LRP1B: variants seen among roughly 807,000 people sequenced by gnomAD.
LRP1B encodes low-density lipoprotein receptor-related protein 1B.
Under a neutral mutation model 556.6 loss-of-function variants are expected in LRP1B, and 217 were observed. That is an observed-to-expected ratio of 0.39 (90% CI 0.35 to 0.44). The LOEUF (loss-of-function observed/expected upper bound fraction) is 0.44, where lower values mean the gene tolerates loss of function less well. LRP1B is among the 20% of genes least tolerant of loss of function. The pLI is 1.00. For missense variants in LRP1B, 5,053 were observed against 5,620.8 expected (o/e 0.90, Z 3.23); for synonymous variants, 2,047 against 1,865.8 (o/e 1.10, Z -2.50).
chr2:140,390,803 CACAA>C (rs1229448922), intron 66 of LRP1B, among the ~76,000 whole-genome samples: 1 of 141,590 alleles, frequency 7.1e-6, no homozygotes. Context: ...CACACACACA[CACAA>C]CATATTTGAG....
rs151043561 is a variant in LRP1B at position 140,647,196 on chromosome 2, TA to T, written c.6800-45558del. On this transcript the variant is annotated intron_variant, in intron 41 of 90. Transcript: ENST00000389484. The stretch of plus-strand genomic sequence containing the variant: ...TTAAATCTGCCTTTAAATGCTTTTT[TA>T]AAAAAACTTGAAATCTTAATGTCTC... 2.2e-4 allele frequency among the ~76,000 whole-genome samples: 34 copies of T among 152,246 alleles called. 1 individual carries two copies. The highest frequency in any genetic ancestry group is 6.8e-3 in the Middle Eastern group (2 of 294).
chr2:141,860,692 A>G (rs1326135873), intron 1 of LRP1B, among the ~76,000 whole-genome samples: 1 of 152,224 alleles, frequency 6.6e-6, no homozygotes, highest in Non-Finnish European at 1.5e-5. Context: ...ATAAATAAAA[A>G]TAATGAAACA....
intron 14 of LRP1B, among the ~76,000 whole-genome samples, chr2:141,010,493 C>A (rs1697708409): frequency 6.6e-6 from 1 of 151,876 alleles, no homozygotes; most frequent in African/African-American, 2.4e-5. Context: ...CTGAAATTCA[C>A]TGGTATATTC....
chr2:141,273,860 CTT>C (rs1414080238), intron 3 of LRP1B, among the ~76,000 whole-genome samples: 2 of 152,170 alleles, frequency 1.3e-5, no homozygotes, highest in African/African-American at 4.8e-5. Context: ...ACAAATAACT[CTT>C]ATAATTCAGT....
At chr2:141,533,459 G>A (rs1461085316) in intron 2 of LRP1B, among the ~76,000 whole-genome samples, 1 of 152,140 alleles carries the variant, frequency 6.6e-6, no homozygotes, top group African/African-American at 2.4e-5. Flanking sequence ...TGGCACACAG[G>A]TGCATTTAGG....
At chr2:141,968,293 A>G (rs1213702194) in intron 1 of LRP1B, among the ~76,000 whole-genome samples, 1 of 151,868 alleles carries the variant, frequency 6.6e-6, no homozygotes, top group Non-Finnish European at 1.5e-5. Flanking sequence ...TGCAATTTTC[A>G]TGATTAATCA....
In LRP1B at chr2:140,314,982, C is replaced by T. The variant is rs1558794027; in HGVS notation, c.12758G>A (p.Cys4253Tyr). Residue 4253 changes from cysteine to tyrosine, a missense_variant, in exon 83 of 91, where the codon TGT becomes TAT. By Grantham distance (194) the Cys-to-Tyr change is radical (BLOSUM62 -2). Coordinates refer to ENST00000389484, the MANE Select transcript of LRP1B (RefSeq NM_018557.3). ...YSGERCEVNH[C>Y]SNYCQNGGTC... ...TCCTCCATTCTGGCAGTAGTTGCTACAGTGGTTGACTTCACATCTTTCTCC... is the reference window on the plus strand; with the variant it reads ...TCCTCCATTCTGGCAGTAGTTGCTATAGTGGTTGACTTCACATCTTTCTCC... 2 of 1,611,182 alleles carry T rather than the reference C, an allele frequency of 1.2e-6. No individual in the cohort carries two copies. Among genetic ancestry groups the T allele is most frequent in the Non-Finnish European group, 1.7e-6 (2 of 1,178,458 alleles).
intron 2 of LRP1B, among the ~76,000 whole-genome samples, chr2:141,638,198 A>G (rs191777932): frequency 6.6e-6 from 1 of 152,134 alleles, no homozygotes; most frequent in South Asian, 2.1e-4. Flanking sequence ...AAGAAAAAAA[A>G]CTAAAAAAGA....
chr2:140,841,675 C>A (rs555696185), intron 29 of LRP1B, among the ~76,000 whole-genome samples: 2 of 152,004 alleles, frequency 1.3e-5, no homozygotes, highest in South Asian at 2.1e-4. Flanking sequence ...ATTCTGAAAT[C>A]GAATTAAGTT....
At chr2:141,548,552 G>T (rs1301411336) in intron 2 of LRP1B, among the ~76,000 whole-genome samples, 2 of 152,118 alleles carry the variant, frequency 1.3e-5, no homozygotes, top group Non-Finnish European at 2.9e-5. Context: ...TTACTGTTCT[G>T]CTGAGATAAC....
At chr2:141,986,475 C>T (rs1299436509) in intron 1 of LRP1B, among the ~76,000 whole-genome samples, 1 of 151,738 alleles carries the variant, frequency 6.6e-6, no homozygotes, top group African/African-American at 2.4e-5. Flanking sequence ...GTCTGCCAGG[C>T]TATTTTTTTT....
chr2:141,295,790 C>CACACACACAT (rs963472660), intron 3 of LRP1B, among the ~76,000 whole-genome samples: 3 of 141,198 alleles, frequency 2.1e-5, no homozygotes, highest in East Asian at 2.0e-4. Context: ...CACACACACA[C>CACACACACAT]ATAACAGTGG....
intron 27 of LRP1B, among the ~76,000 whole-genome samples, chr2:140,855,649 C>G (rs940229181): frequency 2.0e-5 from 3 of 150,520 alleles, no homozygotes; most frequent in Non-Finnish European, 4.4e-5. Flanking sequence ...CTGATCCACT[C>G]TCTTGTTTAT....
chr2:141,320,114 G>A (rs188773837), intron 3 of LRP1B, among the ~76,000 whole-genome samples: 1 of 152,084 alleles, frequency 6.6e-6, no homozygotes, highest in East Asian at 1.9e-4. Flanking sequence ...GAATAGCAAG[G>A]TTCTACAGCA....
At chr2:140,471,984 T>C (rs1320628602) in intron 60 of LRP1B, among the ~76,000 whole-genome samples, 1 of 152,232 alleles carries the variant, frequency 6.6e-6, no homozygotes, top group Non-Finnish European at 1.5e-5. Context: ...TGGGGAGCTT[T>C]TACTAAATCT....
chr2:140,766,217 TAAAC>T (rs1316324365), intron 35 of LRP1B, among the ~76,000 whole-genome samples: 1 of 151,560 alleles, frequency 6.6e-6, no homozygotes, highest in African/African-American at 2.4e-5. Flanking sequence ...AAAAAAAAGA[TAAAC>T]AAGTAGAGAC....
intron 41 of LRP1B, among the ~76,000 whole-genome samples, chr2:140,679,799 C>T (rs1348078472): frequency 6.6e-6 from 1 of 152,128 alleles, no homozygotes; most frequent in Non-Finnish European, 1.5e-5. Context: ...TTTTCTCAGA[C>T]CCTAAAGCAA....
intron 58 of LRP1B, among the ~76,000 whole-genome samples, chr2:140,486,564 T>C (rs895969618): frequency 4.0e-5 from 6 of 151,852 alleles, no homozygotes; most frequent in Non-Finnish European, 8.8e-5. Flanking sequence ...CAGTAGAGAA[T>C]ATGCTTTCAA....
At chr2:140,672,359 C>G (rs530395919) in intron 41 of LRP1B, among the ~76,000 whole-genome samples, 1 of 152,030 alleles carries the variant, frequency 6.6e-6, no homozygotes, top group East Asian at 1.9e-4. Flanking sequence ...TGGTGTGCAC[C>G]TGTAATCCCA....
Sources: allele counts gnomAD v4.1 joint callset (sites outside exome capture counted in the v4.1 genomes callset), GRCh38; gene constraint gnomAD v4.1.1; transcripts MANE v1.5; gene names NCBI Gene and HGNC (gene_info 2026-07-23, HGNC 2026-07-21).